SASH1: variants seen among roughly 807,000 people sequenced by gnomAD.
SASH1 encodes the protein SAM and SH3 domain-containing protein 1.
Under a neutral mutation model 125.2 loss-of-function variants are expected in SASH1, and 44 were observed. The observed-to-expected ratio is 0.35, with a 90% CI of 0.28 to 0.45. The LOEUF (loss-of-function observed/expected upper bound fraction) is 0.45. Ranked by LOEUF, SASH1 falls within the 20% of genes least tolerant of loss-of-function variation. The pLI is 1.00. For synonymous variants in SASH1, 639 were observed against 649.1 expected (o/e 0.98, Z 0.24); for missense variants, 1,426 against 1,614.5 (o/e 0.88, Z 2.00).
upstream of SASH1, among the ~76,000 whole-genome samples, chr6:148,267,365 T>TTGTGTGTGTGTGTGTGTGTGTGTG (rs200228547): frequency 0.012 from 1,511 of 129,962 alleles, 38 homozygotes; most frequent in South Asian, 0.023. Flanking sequence ...CAGTACTACT[T>TTGTGTGTGTGTGTGTGTGTGTGTG]TGTGTGTGTG....
Position 148,358,727 on chromosome 6 carries a change from G to GGTTTTTTTT in SASH1, c.156+15504_156+15505insGTTTTTTTT, listed in dbSNP as rs1239319632. On this transcript the variant is annotated intron_variant, in intron 1 of 19. Coordinates refer to ENST00000367467, the MANE Select transcript of SASH1 (RefSeq NM_015278.5). ...TTGGTTTCCTGTTTCCTAATGCCAT[G>GGTTTTTTTT]TTTTTGTTTTTTTTTTTTTTTTTTT... 4.0e-5 allele frequency among the ~76,000 whole-genome samples: 4 copies of GGTTTTTTTT among 98,794 alleles called. 1 individual carries two copies. The highest frequency in any genetic ancestry group is 1.0e-4 in the Admixed American group (1 of 9,570). 64.8% of individuals were successfully genotyped at this position (98,794 alleles called of 152,430 possible). A position where few individuals can be genotyped will look rare whatever the true frequency, so the allele number is the denominator to read the frequency against.
chr6:148,510,451 G>A (rs933701314), intron 8 of SASH1, among the ~76,000 whole-genome samples: 15 of 152,256 alleles, frequency 9.9e-5, no homozygotes, highest in African/African-American at 3.6e-4. Flanking sequence ...GTTTGAATGT[G>A]TGTGAATATA....
intron 1 of SASH1, among the ~76,000 whole-genome samples, chr6:148,389,674 T>A (rs1253706047): frequency 6.6e-6 from 1 of 152,170 alleles, no homozygotes; most frequent in Non-Finnish European, 1.5e-5. Context: ...ATCTCTTTTA[T>A]GAGCTTCCCA....
chr6:148,326,408 TC>T (rs1158441786), intron 1 of SASH1, among the ~76,000 whole-genome samples: 15 of 120,342 alleles, frequency 1.2e-4, no homozygotes, highest in South Asian at 2.9e-4. Flanking sequence ...TCTTTTCTTT[TC>T]TTTTCTTTTT....
intron 1 of SASH1, among the ~76,000 whole-genome samples, chr6:148,293,069 G>A (rs1174272246): frequency 1.3e-5 from 2 of 151,748 alleles, no homozygotes; most frequent in African/African-American, 4.8e-5. Context: ...AAAAAAAAAG[G>A]TCTATGTGAA....
rs540385726 is a variant in SASH1, at chr6:148,307,133, T to G, written n.74+34756T>G. On this transcript the variant is annotated intron_variant and non_coding_transcript_variant, in intron 1 of 3. Coordinates refer to the SASH1 transcript ENST00000367469. ...CTCTTTCTTTCTTTTCTTTCTTATT[T>G]TTTGAGACAGAGTCTCGCTCTGTCA... 5.4e-3 allele frequency among the ~76,000 whole-genome samples: 811 copies of G among 151,470 alleles called. 6 individuals are homozygous for G. Among genetic ancestry groups the G allele is most frequent in the Admixed American group, 8.1e-3 (123 of 15,112 alleles).
intron 1 of SASH1, among the ~76,000 whole-genome samples, chr6:148,291,667 A>G (rs1779636605): frequency 6.6e-6 from 1 of 152,128 alleles, no homozygotes; most frequent in African/African-American, 2.4e-5. Context: ...CTGGGTGACA[A>G]AGTATCAAAA....
At chr6:148,253,224 A>G in the SASH1 span, among the ~76,000 whole-genome samples, 1 of 152,236 alleles carries the variant, frequency 6.6e-6, no homozygotes, top group Non-Finnish European at 1.5e-5. Flanking sequence ...AACAACAGAT[A>G]TATAGATCAG....
chr6:148,544,499 C>A lies in SASH1; in HGVS notation c.3029C>A (p.Ala1010Asp). 1 of 1,613,900 alleles carries A rather than the reference C, an allele frequency of 6.2e-7. No homozygotes were observed. Among genetic ancestry groups the A allele is most frequent in the African/African-American group, 1.3e-5 (1 of 75,068 alleles). ...LHPVPMGPSG[A>D]LPSPDAPCLP... is the part of the protein sequence containing the mutation. ...CCTGTTCCCATGGGCCCCAGTGGGG[C>A]CCTCCCCAGTCCCGATGCGCCATGC... is the stretch of plus-strand genomic sequence containing the variant. The change falls in exon 18 of 20, where the codon GCC becomes GAC. Residue 1010 changes from alanine to aspartate, a missense_variant. Physicochemically the swap from Ala to Asp is moderately radical, Grantham distance 126 (BLOSUM62 -2). Coordinates refer to ENST00000367467, the MANE Select transcript of SASH1 (RefSeq NM_015278.5). This position sits in a 1 kb window ranked among gnomAD's most constrained non-coding sequence, Gnocchi z 6.4.
the SASH1 span, among the ~76,000 whole-genome samples, chr6:148,258,741 CCTA>C: frequency 6.6e-6 from 1 of 152,192 alleles, no homozygotes; most frequent in East Asian, 1.9e-4. Flanking sequence ...GTTTTCACTG[CCTA>C]CTGACTCACG....
At chr6:148,322,917 T>TCTTTCTTTTCTTC in intron 1 of SASH1, among the ~76,000 whole-genome samples, 1 of 126,140 alleles carries the variant, frequency 7.9e-6, no homozygotes, top group South Asian at 2.6e-4. Context: ...TTTCTTTCTT[T>TCTTTCTTTTCTTC]TTTCTTTCTC....
intron 16 of SASH1, among the ~76,000 whole-genome samples, chr6:148,538,331 C>CA (rs1159292749): frequency 1.3e-5 from 2 of 152,208 alleles, no homozygotes. Context: ...TGAACCATGT[C>CA]ACCAGGGACA....
intron 1 of SASH1, among the ~76,000 whole-genome samples, chr6:148,275,666 G>A (rs992006749): frequency 6.6e-6 from 1 of 152,086 alleles, no homozygotes; most frequent in African/African-American, 2.4e-5. Flanking sequence ...TCCCTAGCTC[G>A]CTTGCATTTC....
At chr6:148,458,110 G>A (rs147285868) in intron 4 of SASH1, among the ~76,000 whole-genome samples, 24 of 152,244 alleles carry the variant, frequency 1.6e-4, no homozygotes, top group African/African-American at 5.1e-4. Flanking sequence ...TCTGGAGTTG[G>A]GCTTTCCAAG....
intron 4 of SASH1, among the ~76,000 whole-genome samples, chr6:148,464,072 AG>A (rs1282155119): frequency 1.3e-5 from 2 of 152,230 alleles, no homozygotes; most frequent in Admixed American, 6.5e-5. Context: ...CAGAGGTAGG[AG>A]GAAAGAAACC....
the SASH1 span, among the ~76,000 whole-genome samples, chr6:148,196,079 C>T: frequency 6.6e-6 from 1 of 152,140 alleles, no homozygotes; most frequent in Admixed American, 6.5e-5. Context: ...TGTCTCTCAG[C>T]CTTCTCCACC....
rs751588616 is a variant in SASH1 at position 148,343,100 on chromosome 6, GGAGCCTGAGCCCGAGCCC to G, written c.39_56del (p.Glu18_Pro23del). On this transcript the variant is annotated inframe_deletion, in exon 1 of 20. Coordinates refer to ENST00000367467, the MANE Select transcript of SASH1 (RefSeq NM_015278.5). ...ACGCGGGAGCAGCTGGCCCGGGGCC[GGAGCCTGAGCCCGAGCCC>G]GAGCCGGAGCCCGAGCCCGCGCCGG... is the stretch of plus-strand genomic sequence containing the variant. The G allele has an allele frequency of 1.4e-6, 2 of 1,450,028 alleles. No individual in the cohort carries two copies. The highest frequency in any genetic ancestry group is 5.0e-5 in the East Asian group (2 of 40,082). The allele number at this position is 1,450,028 out of a possible 1,614,324, so 89.8% of individuals were successfully genotyped here. A position where few individuals can be genotyped will look rare whatever the true frequency, so the allele number is the denominator to read the frequency against.
rs141159728 is a variant in SASH1 at position 148,544,215 on chromosome 6, C to T, written c.2745C>T (p.Ile915=). The change falls in exon 18 of 20, where the codon ATC becomes ATT. Residue 915 remains isoleucine (I), a synonymous_variant. Coordinates refer to ENST00000367467, the MANE Select transcript of SASH1 (RefSeq NM_015278.5). This position sits in a 1 kb window ranked among gnomAD's most constrained non-coding sequence, Gnocchi z 6.4. ...KLTTKKLEGS[I]AASGRGLSPP... ...CAACTAAGAAACTGGAGGGCTCAAT[C>T]GCAGCCTCTGGTCGCGGCCTGTCAC... 6.8e-6 allele frequency: 11 copies of T among 1,614,144 alleles called. No individual in the cohort carries two copies. Among genetic ancestry groups the T allele is most frequent in the Admixed American group, 1.7e-5 (1 of 60,028 alleles).
At chr6:148,467,111 T>TTTA (rs1336605837) in intron 4 of SASH1, among the ~76,000 whole-genome samples, 3 of 128,232 alleles carry the variant, frequency 2.3e-5, no homozygotes, top group East Asian at 4.5e-4. Context: ...TTTTTTTTTT[T>TTTA]TTGGTGATAC....
Sources: allele counts gnomAD v4.1 joint callset (sites outside exome capture counted in the v4.1 genomes callset), GRCh38; gene constraint gnomAD v4.1.1; non-coding constraint Gnocchi (gnomAD v3.1); transcripts MANE v1.5; gene names NCBI Gene and HGNC (gene_info 2026-07-23, HGNC 2026-07-21).